Variants in N4BP1 observed in about 807,000 individuals in gnomAD.
The protein encoded by N4BP1 is NEDD4-binding protein 1.
A neutral mutation model predicts 70.9 loss-of-function variants in N4BP1; 21 were observed. That is an observed-to-expected ratio of 0.30 (90% confidence interval 0.21 to 0.43). The LOEUF is 0.43. Among genes scored for constraint, N4BP1 ranks in the 20% least tolerant of loss-of-function variants. The pLI, the probability that N4BP1 is intolerant of heterozygous loss-of-function variation, is 1.00. For synonymous variants in N4BP1, 387 were observed against 394.6 expected (o/e 0.98, Z 0.23); for missense variants, 936 against 1,069.4 (o/e 0.88, Z 1.74).
intron 1 of N4BP1, among the ~76,000 whole-genome samples, chr16:48,579,759 G>A (rs1392327857): frequency 6.6e-6 from 1 of 151,824 alleles, no homozygotes; most frequent in Non-Finnish European, 1.5e-5. Context: ...TGAAGGTGAA[G>A]GGATGGAAAA....
rs916893826 is a variant in N4BP1, at chr16:48,609,760, G to A, written c.198+15C>T. 58 of 1,338,636 alleles carry A rather than the reference G, an allele frequency of 4.3e-5. No homozygotes were observed. Among genetic ancestry groups the A allele is most frequent in the Non-Finnish European group, 5.2e-5 (54 of 1,047,138 alleles). The allele number at this position is 1,338,636 out of a possible 1,614,324, so 82.9% of individuals were successfully genotyped here. ...ATCGAGGCCGCGGGCGCGCGGGGGC[G>A]GCGGCCGGACTCACCTTGGCGCTGT... On this transcript the variant is annotated intron_variant, in intron 1 of 6. Transcript: ENST00000262384.
intron 1 of N4BP1, among the ~76,000 whole-genome samples, chr16:48,571,160 C>A (rs183195048): frequency 2.6e-5 from 4 of 152,334 alleles, no homozygotes; most frequent in Non-Finnish European, 4.4e-5. Flanking sequence ...GCCCATCCAA[C>A]ATGAGTAAGT....
intron 2 of N4BP1, among the ~76,000 whole-genome samples, chr16:48,555,279 C>T (rs1326155126): frequency 2.0e-5 from 3 of 151,990 alleles, no homozygotes; most frequent in Non-Finnish European, 4.4e-5. Flanking sequence ...AGGGAAAGAG[C>T]AGCCTGCCTG....
chr16:48,587,175 G>T (rs1964257907), intron 1 of N4BP1: 1 of 152,190 alleles, frequency 6.6e-6, no homozygotes, highest in Non-Finnish European at 1.5e-5. Flanking sequence ...ATGACAGTCC[G>T]AGAGTCTTGC....
intron 1 of N4BP1, among the ~76,000 whole-genome samples, chr16:48,583,139 T>C (rs1358134198): frequency 6.6e-6 from 1 of 152,034 alleles, no homozygotes; most frequent in Non-Finnish European, 1.5e-5. Context: ...TATATAGTCA[T>C]CCCTTGGTGT....
At position 48,561,125 on chromosome 16, in the gene N4BP1, A is replaced by C; in HGVS notation, c.1518T>G (p.Phe506Leu). The change falls in exon 2 of 7, where the codon TTT becomes TTG. Residue 506 changes from phenylalanine to leucine, a missense_variant. Physicochemically the swap from Phe to Leu is conservative, Grantham distance 22 (BLOSUM62 0). Around this residue, in one of 4 missense-constraint regions of N4BP1, gnomAD observed 515 missense variants for 491.7 expected, o/e 1.05. Coordinates refer to ENST00000262384, the MANE Select transcript of N4BP1 (RefSeq NM_153029.4). ...VASPSPKEVNFVSRGASSHQP... is the reference protein window; with the variant it reads ...VASPSPKEVNLVSRGASSHQP... ...GGTGACTTGAAGCTCCCCTTGAAAC[A>C]AAATTGACTTCTTTGGGACTTGGAG... The C allele has an allele frequency of 6.2e-7, 1 of 1,614,048 alleles. No homozygotes were observed.
In N4BP1 at chr16:48,553,538, C is replaced by A; in HGVS notation, c.2020+1G>T. 6.5e-7 allele frequency: 1 copy of A among 1,541,646 alleles called. No individual in the cohort carries two copies. Among genetic ancestry groups the A allele is most frequent in the Non-Finnish European group, 8.7e-7 (1 of 1,147,934 alleles). On this transcript the variant is annotated splice_donor_variant, in intron 3 of 6. Coordinates refer to ENST00000262384, the MANE Select transcript of N4BP1 (RefSeq NM_153029.4). LOFTEE classifies it high-confidence loss of function. ...AATCTGAAAAAATCAGTTTGCCTCA[C>A]CTGTGACATTAGGATCACGCCTTGT...
chr16:48,561,378 G>GT lies in N4BP1; in HGVS notation c.1264dup (p.Thr422AsnfsTer3). ...TGTTTTCTTTGGAGTGGAATCAGTT[G>GT]TAAGCTCATTTGTGCTGCTATAAAC... On this transcript the variant is annotated frameshift_variant, in exon 2 of 7. Transcript: ENST00000262384. LOFTEE classifies it high-confidence loss of function. The GT allele has an allele frequency of 6.2e-7, 1 of 1,613,892 alleles. No homozygotes were observed. Among genetic ancestry groups the GT allele is most frequent in the Non-Finnish European group, 8.5e-7 (1 of 1,179,840 alleles).
chr16:48,565,149 G>T (rs566522435), intron 1 of N4BP1, among the ~76,000 whole-genome samples: 2 of 152,126 alleles, frequency 1.3e-5, no homozygotes, highest in South Asian at 4.1e-4. Flanking sequence ...TTTATATGCC[G>T]TTTATTTTCT....
intron 2 of N4BP1, among the ~76,000 whole-genome samples, 169 bp from the exon 3 acceptor site, chr16:48,553,838 C>T: frequency 6.6e-6 from 1 of 152,194 alleles, no homozygotes; most frequent in East Asian, 1.9e-4. Flanking sequence ...ATGGAACCCA[C>T]TGTAGGGGAC....
intron 1 of N4BP1, among the ~76,000 whole-genome samples, chr16:48,572,893 G>A (rs1344785655): frequency 6.6e-6 from 1 of 152,168 alleles, no homozygotes; most frequent in Non-Finnish European, 1.5e-5. Flanking sequence ...CACTTTGGGA[G>A]GCTGAGGTGG....
intron 1 of N4BP1, among the ~76,000 whole-genome samples, chr16:48,594,564 C>T (rs1282493667): frequency 2.6e-5 from 4 of 152,086 alleles, no homozygotes; most frequent in Non-Finnish European, 2.9e-5. Context: ...CCATGTTGGC[C>T]AGCCTGGTCT....
At chr16:48,576,342 C>A (rs537223582) in intron 1 of N4BP1, among the ~76,000 whole-genome samples, 1 of 152,126 alleles carries the variant, frequency 6.6e-6, no homozygotes, top group Non-Finnish European at 1.5e-5. Context: ...TCTTTAACCT[C>A]ATCTCTAAAA....
In N4BP1 at chr16:48,548,003, T is replaced by C. The variant is rs199745907; in HGVS notation, c.2225+4A>G. The C allele has an allele frequency of 1.3e-6, 2 of 1,515,854 alleles. No homozygotes were observed. The highest frequency in any genetic ancestry group is 1.4e-5 in the African/African-American group (1 of 72,664). The allele number at this position is 1,515,854 out of a possible 1,614,324, so 93.9% of individuals were successfully genotyped here. The stretch of plus-strand genomic sequence containing the variant: ...CTGACCAAAGACAAAGAAGAAAATA[T>C]TACCTTTTTGTAATAATTTCTCTCC... On this transcript the variant is annotated splice_donor_region_variant and intron_variant, in intron 5 of 6. Transcript: ENST00000262384.
chr16:48,553,752 C>CTTAT, intron 2 of N4BP1, 83 bp from the exon 3 acceptor site: 1 of 1,138,490 alleles, frequency 8.8e-7, no homozygotes, highest in Non-Finnish European at 1.2e-6. Context: ...AGTTAACATA[C>CTTAT]ACATACAACA....
chr16:48,547,607 T>G (rs552661771), intron 5 of N4BP1, among the ~76,000 whole-genome samples: 24 of 152,366 alleles, frequency 1.6e-4, no homozygotes, highest in African/African-American at 4.6e-4. Context: ...CAGCACACAT[T>G]GCTTTCGGTC....
intron 1 of N4BP1, among the ~76,000 whole-genome samples, chr16:48,605,956 A>G (rs75551531): frequency 0.043 from 6,471 of 152,242 alleles, 419 homozygotes; most frequent in African/African-American, 0.15. Flanking sequence ...TACCTAGGAA[A>G]CCGGCTGGCA....
rs1963442591 is a variant in N4BP1, at chr16:48,538,806, G to C, written c.*4098C>G. The C allele has an allele frequency of 6.5e-6, 1 of 152,896 alleles. No homozygotes were observed. The highest frequency in any genetic ancestry group is 6.5e-5 in the Admixed American group (1 of 15,286). The allele number at this position is 152,896 out of a possible 1,614,324, so 9.5% of individuals were successfully genotyped here. On this transcript the variant is annotated 3_prime_UTR_variant, in exon 7 of 7. Transcript: ENST00000262384. ...CGCCGTGGGAAATACAGAGAACACAGGCGGTCCCTGCCCACGAGGAGCTCA... is the reference window on the plus strand; with the variant it reads ...CGCCGTGGGAAATACAGAGAACACACGCGGTCCCTGCCCACGAGGAGCTCA...
At chr16:48,546,339 G>T in intron 5 of N4BP1, 85 bp from the exon 6 acceptor site, 1 of 872,842 alleles carries the variant, frequency 1.1e-6, no homozygotes. Flanking sequence ...GCCACCTGAT[G>T]CCAAAGCAAC....
Sources: allele counts gnomAD v4.1 joint callset (sites outside exome capture counted in the v4.1 genomes callset), GRCh38; gene constraint gnomAD v4.1.1; regional missense constraint gnomAD v4.1.1; transcripts MANE v1.5; gene names NCBI Gene and HGNC (gene_info 2026-07-23, HGNC 2026-07-21).